GDNF: variants seen among roughly 807,000 people sequenced by gnomAD.
GDNF encodes glial cell line-derived neurotrophic factor.
GDNF carries 5 observed loss-of-function variants against 13.7 expected under a neutral mutation model. The observed-to-expected ratio is 0.36, with a 90% CI of 0.19 to 0.77. The LOEUF is 0.77. GDNF is among the 30% of genes least tolerant of loss of function. The probability of loss-of-function intolerance (pLI) is 0.51; values close to 1 mark genes in which losing one functional copy is unlikely to be tolerated. For synonymous variants in GDNF, 122 were observed against 112.5 expected (o/e 1.08, Z -0.53); for missense variants, 246 against 274.3 (o/e 0.90, Z 0.73).
At chr5:37,833,055 C>T (rs539183875) in intron 2 of GDNF, among the ~76,000 whole-genome samples, 32 of 152,336 alleles carry the variant, frequency 2.1e-4, no homozygotes, top group South Asian at 6.2e-4. Context: ...TAGTTGAAAG[C>T]AGAGCCAGGA....
intron 2 of GDNF, among the ~76,000 whole-genome samples, chr5:37,825,841 T>C (rs902330275): frequency 1.3e-5 from 2 of 152,166 alleles, no homozygotes; most frequent in African/African-American, 4.8e-5. Context: ...ATGAAAGAAA[T>C]CTTCTTTATC....
At chr5:37,826,184 G>C (rs1750307175) in intron 2 of GDNF, among the ~76,000 whole-genome samples, 2 of 152,012 alleles carry the variant, frequency 1.3e-5, no homozygotes, top group Non-Finnish European at 2.9e-5. Flanking sequence ...CTTTCAAATG[G>C]GGCTAGTCAC....
At chr5:37,826,280 T>A (rs575566908) in intron 2 of GDNF, among the ~76,000 whole-genome samples, 15 of 152,342 alleles carry the variant, frequency 9.8e-5, no homozygotes, top group African/African-American at 3.6e-4. Context: ...ATTTCACAAA[T>A]GGTGCCTAAT....
chr5:37,816,410 C>T (rs1409620076), intron 2 of GDNF, among the ~76,000 whole-genome samples: 1 of 152,214 alleles, frequency 6.6e-6, no homozygotes, highest in Non-Finnish European at 1.5e-5. Flanking sequence ...GAATAACATT[C>T]ACCATTTTTA....
chr5:37,815,542 G>A lies in GDNF; in HGVS notation c.*109C>T, dbSNP rs1167360554. 29 of 928,664 alleles carry A rather than the reference G, an allele frequency of 3.1e-5. No homozygotes were observed. The highest frequency in any genetic ancestry group is 5.0e-5 in the East Asian group (2 of 40,366). 57.5% of individuals were successfully genotyped at this position (928,664 alleles called of 1,614,324 possible). On this transcript the variant is annotated 3_prime_UTR_variant, in exon 3 of 3. Transcript: ENST00000326524. This position sits in a 1 kb window ranked among gnomAD's most constrained non-coding sequence, Gnocchi z 5.0. ...CTCCTCTTCTTCTTCCTCCTCCTCC[G>A]CCTCCTTGGTCCTCATCTTCCATTC...
Position 37,815,738 on chromosome 5 carries a change from G to A in GDNF, c.549C>T (p.Ala183=). 6.2e-7 allele frequency: 1 copy of A among 1,614,048 alleles called. No homozygotes were observed. Among genetic ancestry groups the A allele is most frequent in the Non-Finnish European group, 8.5e-7 (1 of 1,179,888 alleles). Residue 183 remains alanine (A), a synonymous_variant, in exon 3 of 3, where the codon GCC becomes GCT. Transcript: ENST00000326524. The surrounding 1 kb of genome is among the most constrained non-coding windows in gnomAD (Gnocchi z 5.0). The part of the protein sequence containing the change: ...KVGQACCRPI[A]FDDDLSFLDD... ...CTAAAAACGACAGGTCATCATCAAA[G>A]GCGATGGGTCTGCAACATGCCTGCC...
At chr5:37,834,540 G>T in intron 2 of GDNF, 106 bp downstream of exon 2, 3 of 1,074,766 alleles carry the variant, frequency 2.8e-6, no homozygotes, top group Non-Finnish European at 3.8e-6. Context: ...GGGTCGGTAG[G>T]CCACACAGCC....
chr5:37,836,654 TC>T (rs1021235762), intron 1 of GDNF, among the ~76,000 whole-genome samples: 1 of 152,006 alleles, frequency 6.6e-6, no homozygotes, highest in African/African-American at 2.4e-5. Flanking sequence ...AACGCGAGCT[TC>T]CCCCCTCAAG....
At chr5:37,825,445 C>T (rs545071392) in intron 2 of GDNF, among the ~76,000 whole-genome samples, 18 of 152,296 alleles carry the variant, frequency 1.2e-4, no homozygotes, top group African/African-American at 3.9e-4. Context: ...GTTAGCTAAT[C>T]CATGAACACC....
At chr5:37,830,279 T>C (rs1020759053) in intron 2 of GDNF, among the ~76,000 whole-genome samples, 1 of 152,174 alleles carries the variant, frequency 6.6e-6, no homozygotes, top group African/African-American at 2.4e-5. Context: ...GTCACTTCCA[T>C]AGAAAGATCC....
chr5:37,823,769 C>T (rs923115747), intron 2 of GDNF, among the ~76,000 whole-genome samples: 1 of 152,226 alleles, frequency 6.6e-6, no homozygotes, highest in Non-Finnish European at 1.5e-5. Context: ...CTTAACCCTT[C>T]TGAGGTCAAC....
At chr5:37,817,636 A>AT (rs1287410635) in intron 2 of GDNF, among the ~76,000 whole-genome samples, 3 of 147,804 alleles carry the variant, frequency 2.0e-5, no homozygotes, top group African/African-American at 7.3e-5. Context: ...TGTGTAATAT[A>AT]TAAAACATAT....
rs747700220 is a variant in GDNF at position 37,834,650 on chromosome 5, A to G, written c.147T>C (p.Ser49=). The change falls in exon 2 of 3, where the codon AGT becomes AGC. Residue 49 remains serine, a synonymous_variant. Coordinates refer to ENST00000326524, the MANE Select transcript of GDNF (RefSeq NM_000514.4). ...CGGGGAGGGAACGGTTCTTACAGTC[A>G]CTGCTCAGCGCGAAGGGCGCGCGGC... ...GRRRAPFALS[S]DSNMPEDYPD... The G allele has an allele frequency of 1.3e-6, 2 of 1,589,962 alleles. No homozygotes were observed. Among genetic ancestry groups the G allele is most frequent in the South Asian group, 2.3e-5 (2 of 88,300 alleles).
intron 2 of GDNF, among the ~76,000 whole-genome samples, chr5:37,817,159 C>G (rs533229005): frequency 6.6e-5 from 10 of 152,334 alleles, no homozygotes; most frequent in African/African-American, 2.2e-4. Context: ...TGCAGGGACA[C>G]TAAGATGTCT....
chr5:37,814,740 G>A lies in GDNF; in HGVS notation c.*911C>T, dbSNP rs1178138401. The A allele has an allele frequency of 1.3e-5, 2 of 152,292 alleles. No homozygotes were observed. Among genetic ancestry groups the A allele is most frequent in the South Asian group, 2.1e-4 (1 of 4,820 alleles). The allele number at this position is 152,292 out of a possible 1,614,324, so 9.4% of individuals were successfully genotyped here. A position where few individuals can be genotyped will look rare whatever the true frequency, so the allele number is the denominator to read the frequency against. On this transcript the variant is annotated 3_prime_UTR_variant, in exon 3 of 3. Coordinates refer to ENST00000326524, the MANE Select transcript of GDNF (RefSeq NM_000514.4). ...TTTCTGTATCTGAAACAGATGCATT[G>A]CATCGAGTAGCTTCTCTGGTCACTG...
rs754630814 is a variant in GDNF, at chr5:37,837,115, G to T, written c.-26-2293C>A. On this transcript the variant is annotated intron_variant, in intron 1 of 2. Coordinates refer to ENST00000326524, the MANE Select transcript of GDNF (RefSeq NM_000514.4). The surrounding 1 kb of genome is among the most constrained non-coding windows in gnomAD (Gnocchi z 6.5). Reference sequence around the variant, plus strand: ...GTATTTGCTGGGCGGGGGAAAAGGGGGGAGGTTGGGGGACTCGGCACACAC... The same window carrying T: ...GTATTTGCTGGGCGGGGGAAAAGGGTGGAGGTTGGGGGACTCGGCACACAC... 2.0e-5 allele frequency among the ~76,000 whole-genome samples: 3 copies of T among 152,210 alleles called. No homozygotes were observed. The highest frequency in any genetic ancestry group is 6.5e-5 in the Admixed American group (1 of 15,292).
In GDNF at chr5:37,835,402, G is replaced by A. The variant is rs1581592514; in HGVS notation, c.-26-580C>T. ...CTCGGGGGCACCACTCACCCAGCCT[G>A]CCGCCCACACCTCATTCTTCCCACC... On this transcript the variant is annotated intron_variant, in intron 1 of 2. Coordinates refer to ENST00000326524, the MANE Select transcript of GDNF (RefSeq NM_000514.4). 8.6e-6 allele frequency: 12 copies of A among 1,397,906 alleles called. 1 individual carries two copies. The South Asian group carries it at 1.8e-4, about 21-fold the overall frequency. 86.6% of individuals were successfully genotyped at this position (1,397,906 alleles called of 1,614,324 possible).
At chr5:37,816,208 GC>G (rs1561126445) in intron 2 of GDNF, 73 bp from the exon 3 acceptor site, 3 of 1,533,264 alleles carry the variant, frequency 2.0e-6, no homozygotes, top group Non-Finnish European at 1.8e-6. Context: ...AGATCAAAGT[GC>G]CCCCCTAAAG....
chr5:37,832,785 C>T (rs1258833180), intron 2 of GDNF, among the ~76,000 whole-genome samples: 1 of 152,198 alleles, frequency 6.6e-6, no homozygotes, highest in Admixed American at 6.5e-5. Flanking sequence ...ATCTGGGGAA[C>T]ACCTAAAAAC....
Sources: allele counts gnomAD v4.1 joint callset (sites outside exome capture counted in the v4.1 genomes callset), GRCh38; gene constraint gnomAD v4.1.1; non-coding constraint Gnocchi (gnomAD v3.1); transcripts MANE v1.5; gene names NCBI Gene and HGNC (gene_info 2026-07-23, HGNC 2026-07-21).